IGSF21: variants seen among roughly 807,000 people sequenced by gnomAD.
IGSF21 encodes immunoglobin superfamily member 21.
A neutral mutation model predicts 46.8 loss-of-function variants in IGSF21; 28 were observed. That is an observed-to-expected ratio of 0.60 (90% confidence interval 0.44 to 0.82). IGSF21 has a LOEUF of 0.82. Among genes scored for constraint, IGSF21 ranks in the 40% least tolerant of loss-of-function variants. IGSF21 has a pLI of 0.00. For missense variants in IGSF21, 624 were observed against 665.5 expected, an observed-to-expected ratio of 0.94 and a Z score of 0.69; for synonymous variants, 284 against 273.6, an observed-to-expected ratio of 1.04 and a Z score of -0.38.
At chr1:18,315,858 A>T (rs1447154882) in intron 3 of IGSF21, among the ~76,000 whole-genome samples, 1 of 148,168 alleles carries the variant, frequency 6.7e-6, no homozygotes, top group East Asian at 2.0e-4. Context: ...GAGTGGATGG[A>T]TAGCTGGAGA....
chr1:18,169,239 C>G (rs907052037), intron 1 of IGSF21, among the ~76,000 whole-genome samples: 4 of 152,208 alleles, frequency 2.6e-5, no homozygotes, highest in Non-Finnish European at 4.4e-5. Context: ...CCATGGAGGC[C>G]CATCTGCGAA....
At chr1:18,317,035 C>G (rs1168789819) in intron 3 of IGSF21, among the ~76,000 whole-genome samples, 1 of 152,218 alleles carries the variant, frequency 6.6e-6, no homozygotes. Flanking sequence ...CTCTAACACT[C>G]CCTGTTTGTG....
At chr1:18,333,654 T>C (rs2085736939) in intron 3 of IGSF21, among the ~76,000 whole-genome samples, 1 of 152,232 alleles carries the variant, frequency 6.6e-6, no homozygotes, top group Non-Finnish European at 1.5e-5. Flanking sequence ...TGGTTCTCTT[T>C]GACTCCATGT....
chr1:18,320,554 CT>C (rs1557642205), intron 3 of IGSF21, among the ~76,000 whole-genome samples: 1 of 151,922 alleles, frequency 6.6e-6, no homozygotes, highest in Non-Finnish European at 1.5e-5. Flanking sequence ...TGGGAAAGGC[CT>C]CCTGTGGGGG....
intron 2 of IGSF21, among the ~76,000 whole-genome samples, chr1:18,266,713 G>C (rs1180995042): frequency 6.6e-6 from 1 of 152,242 alleles, no homozygotes; most frequent in African/African-American, 2.4e-5. Flanking sequence ...GGTCCAAGGA[G>C]CAGAGAAATA....
At chr1:18,252,463 G>C (rs547592061) in intron 2 of IGSF21, among the ~76,000 whole-genome samples, 1 of 152,338 alleles carries the variant, frequency 6.6e-6, no homozygotes, top group African/African-American at 2.4e-5. Context: ...GAGTGCTTCA[G>C]AGGTGGCCGT....
At chr1:18,281,921 T>A (rs904210104) in intron 2 of IGSF21, among the ~76,000 whole-genome samples, 7 of 151,738 alleles carry the variant, frequency 4.6e-5, no homozygotes, top group African/African-American at 1.7e-4. Context: ...GATTTGGGGG[T>A]GTGGTGGAAA....
intron 1 of IGSF21, among the ~76,000 whole-genome samples, chr1:18,180,909 G>A (rs868320988): frequency 1.3e-5 from 2 of 152,202 alleles, no homozygotes; most frequent in Admixed American, 6.5e-5. Context: ...TTGAAATCAA[G>A]AAGAAAGACA....
At chr1:18,133,461 A>G (rs1374046061) in intron 1 of IGSF21, among the ~76,000 whole-genome samples, 2 of 152,202 alleles carry the variant, frequency 1.3e-5, no homozygotes, top group Non-Finnish European at 2.9e-5. Context: ...CCGCTTCTCC[A>G]TCTGACAAAT....
intron 2 of IGSF21, among the ~76,000 whole-genome samples, chr1:18,234,381 G>A (rs769697764): frequency 2.2e-4 from 33 of 152,102 alleles, no homozygotes; most frequent in Non-Finnish European, 4.1e-4. Context: ...GCCAGAGAGG[G>A]CCCACCAAAC....
chr1:18,205,983 T>C (rs567983592), intron 1 of IGSF21, among the ~76,000 whole-genome samples: 1 of 152,366 alleles, frequency 6.6e-6, no homozygotes, highest in East Asian at 1.9e-4. Flanking sequence ...CTGGATACTG[T>C]TTCTTCTGCT....
chr1:18,248,530 CAG>C (rs1557606116), intron 2 of IGSF21, among the ~76,000 whole-genome samples: 1 of 151,782 alleles, frequency 6.6e-6, no homozygotes, highest in Admixed American at 6.6e-5. Context: ...GCTACCCAAG[CAG>C]ACAGACAGTC....
Position 18,131,153 on chromosome 1 carries a change from C to T in IGSF21, c.70+22955C>T, listed in dbSNP as rs2086318069. On this transcript the variant is annotated intron_variant, in intron 1 of 9. Coordinates refer to ENST00000251296, the MANE Select transcript of IGSF21 (RefSeq NM_032880.5). ...TGGCCACTGCTAGAGGAAAGGGGTC[C>T]AGCTGAGGCTTCCTGTCCCTGCTTG... Among the ~76,000 whole-genome samples, 3 of 152,206 alleles carry T rather than the reference C, an allele frequency of 2.0e-5. No homozygotes were observed. The South Asian group carries it at 6.2e-4, about 31-fold the overall frequency.
At chr1:18,139,448 C>G (rs1297132261) in intron 1 of IGSF21, among the ~76,000 whole-genome samples, 2 of 152,302 alleles carry the variant, frequency 1.3e-5, no homozygotes, top group East Asian at 3.9e-4. Context: ...TCTCACCCAC[C>G]CTCTTCCCAG....
chr1:18,270,116 G>C (rs1453383339), intron 2 of IGSF21, among the ~76,000 whole-genome samples: 1 of 152,144 alleles, frequency 6.6e-6, no homozygotes, highest in Non-Finnish European at 1.5e-5. Flanking sequence ...CTCTACACTA[G>C]CTGTTTTGCT....
intron 1 of IGSF21, among the ~76,000 whole-genome samples, chr1:18,202,391 T>C (rs1447481551): frequency 6.6e-6 from 1 of 152,224 alleles, no homozygotes; most frequent in Non-Finnish European, 1.5e-5. Flanking sequence ...CCTTCTTTTA[T>C]GCCTAAATCT....
Position 18,228,009 on chromosome 1 carries a change from G to A in IGSF21, c.182G>A (p.Arg61Gln), listed in dbSNP as rs1266783855. The part of the protein sequence containing the change: ...DGRMREIVWY[R>Q]VTDGGTIKQK... ...CGCATGCGGGAGATCGTGTGGTACC[G>A]GGTAAGTCACTACTACTGCCCCCTT... Residue 61 changes from arginine to glutamine, a missense_variant and splice_region_variant, in exon 2 of 10, where the codon CGG becomes CAG. Physicochemically the swap from Arg to Gln is conservative, Grantham distance 43. Coordinates refer to ENST00000251296, the MANE Select transcript of IGSF21 (RefSeq NM_032880.5). The A allele has an allele frequency of 8.1e-6, 13 of 1,611,718 alleles. No individual in the cohort carries two copies. The highest frequency in any genetic ancestry group is 1.3e-5 in the African/African-American group (1 of 74,876).
intron 3 of IGSF21, among the ~76,000 whole-genome samples, chr1:18,326,200 C>T (rs940292492): frequency 3.3e-5 from 5 of 152,216 alleles, no homozygotes; most frequent in Admixed American, 2.6e-4. Context: ...AAATGTTGCC[C>T]CCATATCACA....
intron 1 of IGSF21, among the ~76,000 whole-genome samples, chr1:18,171,024 C>T (rs901583817): frequency 2.6e-5 from 4 of 151,850 alleles, no homozygotes; most frequent in Non-Finnish European, 4.4e-5. Context: ...CATGCAGGCC[C>T]GTCGGGGAGG....
Sources: allele counts gnomAD v4.1 joint callset (sites outside exome capture counted in the v4.1 genomes callset), GRCh38; gene constraint gnomAD v4.1.1; transcripts MANE v1.5; gene names NCBI Gene and HGNC (gene_info 2026-07-23, HGNC 2026-07-21).